The following PTPRD variants were observed in gnomAD, a reference collection of about 807,000 sequenced individuals.
PTPRD encodes the protein protein tyrosine phosphatase receptor type D, also known as receptor-type tyrosine-protein phosphatase delta.
In PTPRD, 34 loss-of-function variants were observed where a neutral mutation model predicts 214.5. The observed-to-expected ratio is 0.16, with a 90% CI of 0.12 to 0.21. PTPRD has a LOEUF of 0.21. PTPRD is among the 10% of genes least tolerant of loss of function. PTPRD has a pLI of 1.00. For missense variants in PTPRD, 2,545 were observed against 2,398.7 expected, an observed-to-expected ratio of 1.06 and a Z score of -1.27; for synonymous variants, 1,128 against 845.7, an observed-to-expected ratio of 1.33 and a Z score of -5.79.
intron 12 of PTPRD, among the ~76,000 whole-genome samples, chr9:8,650,971 G>C (rs981850973): frequency 6.6e-6 from 1 of 151,440 alleles, no homozygotes; most frequent in Admixed American, 6.6e-5. Flanking sequence ...TTCTCATTCA[G>C]TATCAGGTAA....
chr9:9,134,694 C>T (rs923504087), intron 10 of PTPRD, among the ~76,000 whole-genome samples: 3 of 152,110 alleles, frequency 2.0e-5, no homozygotes, highest in Non-Finnish European at 2.9e-5. Flanking sequence ...GCTATTTTGT[C>T]TTCATAGCAC....
chr9:8,474,717 T>C (rs1252581764), intron 30 of PTPRD, among the ~76,000 whole-genome samples: 1 of 152,134 alleles, frequency 6.6e-6, no homozygotes, highest in African/African-American at 2.4e-5. Context: ...CACTAGAAGA[T>C]GGCCTCATCT....
intron 5 of PTPRD, among the ~76,000 whole-genome samples, chr9:9,874,477 A>C (rs1309122979): frequency 6.6e-6 from 1 of 152,162 alleles, no homozygotes; most frequent in African/African-American, 2.4e-5. Context: ...ACAGGAAGTT[A>C]AATGTAAGCA....
intron 2 of PTPRD, among the ~76,000 whole-genome samples, chr9:10,537,455 G>T (rs912780651): frequency 6.6e-6 from 1 of 151,984 alleles, no homozygotes; most frequent in African/African-American, 2.4e-5. Context: ...AATCATAATT[G>T]GCTGAAAAAT....
At chr9:10,220,725 T>C (rs566989463) in intron 3 of PTPRD, among the ~76,000 whole-genome samples, 6 of 151,862 alleles carry the variant, frequency 4.0e-5, no homozygotes, top group Non-Finnish European at 8.8e-5. Flanking sequence ...AAGATATATA[T>C]TGCATATGCT....
rs1555449231 is a variant in PTPRD at position 9,998,129 on chromosome 9, A to AATATATATATATATAT, written c.-472+35573_-472+35588dup. Among the ~76,000 whole-genome samples, 116 of 91,420 alleles carry AATATATATATATATAT rather than the reference A, an allele frequency of 1.3e-3. 3 individuals carry two copies. Among genetic ancestry groups the AATATATATATATATAT allele is most frequent in the African/African-American group, 3.1e-3 (52 of 16,972 alleles). The allele number at this position is 91,420 out of a possible 152,430, so 60.0% of individuals were successfully genotyped here. On this transcript the variant is annotated intron_variant, in intron 4 of 45. Transcript: ENST00000381196. ...TTAAAGTATAATAAAAAAAAAAAAAAATATATATATATATATAAAAGAAGA... is the reference window on the plus strand; with the variant it reads ...TTAAAGTATAATAAAAAAAAAAAAAAATATATATATATATATATATATATATATATATAAAAGAAGA...
intron 9 of PTPRD, among the ~76,000 whole-genome samples, chr9:9,254,622 T>C (rs1038543905): frequency 2.0e-5 from 3 of 152,062 alleles, no homozygotes; most frequent in Non-Finnish European, 4.4e-5. Context: ...AAGATGAAGA[T>C]GATTTGGAGT....
intron 11 of PTPRD, among the ~76,000 whole-genome samples, chr9:8,924,008 T>C (rs1450055443): frequency 6.6e-6 from 1 of 152,200 alleles, no homozygotes; most frequent in Non-Finnish European, 1.5e-5. Context: ...TTGCAAGCCA[T>C]TATCATTTAC....
chr9:10,472,280 C>A (rs1274404690), intron 2 of PTPRD, among the ~76,000 whole-genome samples: 5 of 152,102 alleles, frequency 3.3e-5, no homozygotes, highest in Admixed American at 1.3e-4. Context: ...GTATCTGACA[C>A]TGCAAACTCA....
At chr9:10,258,763 C>G (rs766941042) in intron 3 of PTPRD, among the ~76,000 whole-genome samples, 1 of 152,100 alleles carries the variant, frequency 6.6e-6, no homozygotes, top group Non-Finnish European at 1.5e-5. Context: ...CTTTCTCTCT[C>G]TTTCTTTCAA....
intron 9 of PTPRD, among the ~76,000 whole-genome samples, chr9:9,275,512 T>C (rs1945267040): frequency 6.6e-6 from 1 of 150,980 alleles, no homozygotes; most frequent in African/African-American, 2.4e-5. Flanking sequence ...GGAACCCATG[T>C]CTGTCTGTTC....
intron 11 of PTPRD, among the ~76,000 whole-genome samples, chr9:8,740,721 T>C (rs973986446): frequency 4.0e-5 from 6 of 151,876 alleles, no homozygotes; most frequent in African/African-American, 1.5e-4. Context: ...TGTTTTGCCC[T>C]AAACATGTTT....
intron 3 of PTPRD, among the ~76,000 whole-genome samples, chr9:10,229,633 A>T (rs981891340): frequency 6.9e-6 from 1 of 144,954 alleles, no homozygotes; most frequent in Non-Finnish European, 1.5e-5. Context: ...GTTCTCACTC[A>T]TAGGTGGGAA....
chr9:9,436,423 AGGAT>A (rs534937264), intron 8 of PTPRD, among the ~76,000 whole-genome samples: 77 of 152,234 alleles, frequency 5.1e-4, no homozygotes, highest in African/African-American at 1.9e-3. Context: ...CCCTTTAATA[AGGAT>A]TTATAGTTAA....
intron 3 of PTPRD, among the ~76,000 whole-genome samples, chr9:10,203,355 C>G (rs993379936): frequency 6.6e-6 from 1 of 151,676 alleles, no homozygotes; most frequent in South Asian, 2.1e-4. Flanking sequence ...TAAACCTAGC[C>G]CTAGTTAACA....
intron 8 of PTPRD, among the ~76,000 whole-genome samples, chr9:9,489,121 AT>A (rs1229343716): frequency 6.6e-6 from 1 of 152,174 alleles, no homozygotes; most frequent in African/African-American, 2.4e-5. Context: ...GCATTCATAA[AT>A]AATTGCATAT....
chr9:9,411,477 C>T (rs1443925461), intron 8 of PTPRD, among the ~76,000 whole-genome samples: 2 of 152,108 alleles, frequency 1.3e-5, no homozygotes, highest in African/African-American at 4.8e-5. Flanking sequence ...TAAACAAAAG[C>T]AGCCAAATTA....
intron 14 of PTPRD, among the ~76,000 whole-genome samples, chr9:8,620,656 T>A (rs1020740626): frequency 1.3e-5 from 2 of 151,904 alleles, no homozygotes; most frequent in Non-Finnish European, 2.9e-5. Flanking sequence ...TGCAAAACCA[T>A]CCTGTTACAG....
In PTPRD at chr9:9,693,902, C is replaced by G. The variant is rs1578911; in HGVS notation, c.-287+40631G>C. On this transcript the variant is annotated intron_variant, in intron 7 of 45. Coordinates refer to ENST00000381196, the MANE Select transcript of PTPRD (RefSeq NM_002839.4). ...TAAGAGACTCTGTTGCATTCTTCAT[C>G]ATGTCAATTGCATATTTTCACTCTA... 5.2e-3 allele frequency among the ~76,000 whole-genome samples: 785 copies of G among 152,300 alleles called. 6 individuals are homozygous for G. The highest frequency in any genetic ancestry group is 0.017 in the African/African-American group (696 of 41,580).
Sources: gnomAD v4.1 joint callset for allele counts (sites outside exome capture counted in the v4.1 genomes callset) on GRCh38, gnomAD v4.1.1 for gene constraint, MANE v1.5 for transcripts, NCBI Gene and HGNC (gene_info 2026-07-23, HGNC 2026-07-21) for gene names.